CALN1: variants seen among roughly 807,000 people sequenced by gnomAD.
CALN1 encodes the protein calneuron 1, also known as calcium-binding protein 8.
In CALN1, 17 loss-of-function variants were observed where a neutral mutation model predicts 30.6. The ratio of observed to expected loss-of-function variants is 0.56; its 90% CI spans 0.38 to 0.83. The LOEUF is 0.83. Ranked by LOEUF, CALN1 falls within the 40% of genes least tolerant of loss-of-function variation. The pLI, the probability that CALN1 is intolerant of heterozygous loss-of-function variation, is 0.00. For synonymous variants in CALN1, 156 were observed against 131.4 expected, an observed-to-expected ratio of 1.19 and a Z score of -1.28; for missense variants, 291 against 354.9, an observed-to-expected ratio of 0.82 and a Z score of 1.45.
Position 71,994,851 on chromosome 7 carries a change from ATTTTTTT to A in CALN1, c.501+28799_501+28805del, listed in dbSNP as rs564198396. On this transcript the variant is annotated intron_variant, in intron 5 of 6. Coordinates refer to ENST00000395275, the MANE Select transcript of CALN1 (RefSeq NM_031468.4). ...ACGAAGAACCTGGCTGCCCCTTCCT[ATTTTTTT>A]TTTTTTTTTTTCGAGACGGAGTCTG... Among the ~76,000 whole-genome samples, 255 of 123,168 alleles carry A rather than the reference ATTTTTTT, an allele frequency of 2.1e-3. 1 individual carries two copies. Among genetic ancestry groups the A allele is most frequent in the South Asian group, 2.4e-3 (9 of 3,764 alleles). 80.8% of individuals were successfully genotyped at this position (123,168 alleles called of 152,430 possible).
intron 5 of CALN1, among the ~76,000 whole-genome samples, chr7:71,836,622 C>CTTTTTTT (rs756689224): frequency 1.5e-5 from 2 of 132,624 alleles, no homozygotes. Context: ...CTCTCTGTCT[C>CTTTTTTT]TTTTTTTTTT....
rs558464458 is a variant in CALN1 at position 72,090,373 on chromosome 7, G to T, written c.388+15778C>A. Among the ~76,000 whole-genome samples, 5 of 152,146 alleles carry T rather than the reference G, an allele frequency of 3.3e-5. No individual in the cohort carries two copies. In the East Asian group the frequency reaches 9.7e-4, roughly 29 times the overall value. ...GACTCGGAAATTAAATTGTAAGATG[G>T]TTTTCTATAAAATTTATGAAGTAGC... On this transcript the variant is annotated intron_variant, in intron 4 of 6. Transcript: ENST00000395275.
chr7:71,893,281 C>G (rs1319365185), intron 5 of CALN1, among the ~76,000 whole-genome samples: 3 of 152,024 alleles, frequency 2.0e-5, no homozygotes, highest in Admixed American at 6.6e-5. Flanking sequence ...TGCTAAACAC[C>G]CTGTGATGCA....
At chr7:72,470,383 A>G in the CALN1 span, among the ~76,000 whole-genome samples, 19,382 of 152,066 alleles carry the variant, frequency 0.13, 2,516 homozygotes, top group African/African-American at 0.33. Context: ...CGACTCTAAA[A>G]AATAATTTAA....
chr7:72,071,441 T>C lies in CALN1; in HGVS notation c.388+34710A>G, dbSNP rs530042927. 6.0e-4 allele frequency among the ~76,000 whole-genome samples: 91 copies of C among 152,232 alleles called. 1 individual carries two copies. In the South Asian group the frequency reaches 0.018, roughly 30 times the overall value. On this transcript the variant is annotated intron_variant, in intron 4 of 6. Coordinates refer to ENST00000395275, the MANE Select transcript of CALN1 (RefSeq NM_031468.4). ...GTTTCATTTTTCTCTTTCCATCTTTTGGAAGTCAGACATCAAAGACTAAGA... is the reference window on the plus strand; with the variant it reads ...GTTTCATTTTTCTCTTTCCATCTTTCGGAAGTCAGACATCAAAGACTAAGA...
intron 2 of CALN1, among the ~76,000 whole-genome samples, chr7:72,289,021 C>T (rs12154550): frequency 0.33 from 50,024 of 151,992 alleles, 9,826 homozygotes; most frequent in Middle Eastern, 0.53. Context: ...CTTTCTAAGT[C>T]TTTGTCTTAA....
At chr7:72,343,632 CA>C (rs1258721695) in intron 2 of CALN1, among the ~76,000 whole-genome samples, 1 of 151,756 alleles carries the variant, frequency 6.6e-6, no homozygotes, top group African/African-American at 2.4e-5. Flanking sequence ...AGTGGAAAAA[CA>C]GAAAATGCCA....
chr7:71,828,734 G>GTGTGTGTC (rs1789084345), intron 5 of CALN1, among the ~76,000 whole-genome samples: 1 of 151,096 alleles, frequency 6.6e-6, no homozygotes, highest in African/African-American at 2.4e-5. Flanking sequence ...GTGTGTGTGT[G>GTGTGTGTC]TGTGTGTAAT....
chr7:72,340,309 G>T (rs1183789680), intron 2 of CALN1, among the ~76,000 whole-genome samples: 1 of 152,158 alleles, frequency 6.6e-6, no homozygotes, highest in Non-Finnish European at 1.5e-5. Flanking sequence ...CTGGCCTCAA[G>T]TAATCCTCCC....
intron 3 of CALN1, among the ~76,000 whole-genome samples, chr7:72,251,396 C>CA (rs1027383744): frequency 2.0e-5 from 3 of 151,542 alleles, no homozygotes; most frequent in African/African-American, 7.3e-5. Flanking sequence ...CTCTGAACTA[C>CA]TTTTTTTTTC....
intron 2 of CALN1, chr7:72,337,289 G>A (rs1802130270): frequency 8.1e-6 from 8 of 985,070 alleles, no homozygotes; most frequent in Non-Finnish European, 9.6e-6. Flanking sequence ...GCTCGCCTTG[G>A]CCGCCTGCGC....
chr7:72,114,540 A>G (rs1013818293), intron 3 of CALN1, among the ~76,000 whole-genome samples: 1 of 152,046 alleles, frequency 6.6e-6, no homozygotes, highest in Non-Finnish European at 1.5e-5. Context: ...ATCGCTGCAT[A>G]GAAAATGCTG....
At chr7:72,306,978 C>T (rs1264699017) in intron 2 of CALN1, among the ~76,000 whole-genome samples, 1 of 152,194 alleles carries the variant, frequency 6.6e-6, no homozygotes, top group Non-Finnish European at 1.5e-5. Flanking sequence ...GGAAGAGCCT[C>T]AACATGTGAA....
intron 3 of CALN1, among the ~76,000 whole-genome samples, chr7:72,180,526 T>C (rs1293088527): frequency 6.9e-6 from 1 of 144,152 alleles, no homozygotes; most frequent in East Asian, 2.0e-4. Flanking sequence ...AAGGTGTCCT[T>C]TTTTTTTTTT....
At chr7:71,800,944 A>G (rs1787262204) in intron 6 of CALN1, among the ~76,000 whole-genome samples, 1 of 152,036 alleles carries the variant, frequency 6.6e-6, no homozygotes, top group South Asian at 2.1e-4. Flanking sequence ...TGCATTAGCT[A>G]TTTATCCTGA....
At chr7:71,978,355 T>C (rs868669974) in intron 5 of CALN1, among the ~76,000 whole-genome samples, 16 of 135,772 alleles carry the variant, frequency 1.2e-4, no homozygotes, top group Admixed American at 5.0e-4. Context: ...CACTGCAAGC[T>C]CCGCCTCCTG....
chr7:71,995,739 C>G (rs1799218943), intron 5 of CALN1, among the ~76,000 whole-genome samples: 1 of 151,964 alleles, frequency 6.6e-6, no homozygotes, highest in Non-Finnish European at 1.5e-5. Flanking sequence ...CAAAATATAA[C>G]ACGACAGCCC....
intron 2 of CALN1, among the ~76,000 whole-genome samples, chr7:72,338,525 G>GTGTGTGTGTGTCTGTC: frequency 0.031 from 3,770 of 121,842 alleles, 271 homozygotes; most frequent in Middle Eastern, 0.043. Flanking sequence ...GTGTGTGTGT[G>GTGTGTGTGTGTCTGTC]TGTCTCACCT....
At chr7:72,169,131 C>T (rs908320034) in intron 3 of CALN1, among the ~76,000 whole-genome samples, 6 of 151,750 alleles carry the variant, frequency 4.0e-5, no homozygotes, top group Non-Finnish European at 8.8e-5. Flanking sequence ...TCGCCTTCTT[C>T]CCTACATTTA....
Sources: allele counts gnomAD v4.1 joint callset (sites outside exome capture counted in the v4.1 genomes callset), GRCh38; gene constraint gnomAD v4.1.1; transcripts MANE v1.5; gene names NCBI Gene and HGNC (gene_info 2026-07-23, HGNC 2026-07-21).